Variants in CHRM3 observed in about 807,000 individuals in gnomAD.
The protein encoded by CHRM3 is cholinergic receptor muscarinic 3.
Under a neutral mutation model 41.8 loss-of-function variants are expected in CHRM3, and 11 were observed. The ratio of observed to expected loss-of-function variants is 0.26; its 90% CI spans 0.17 to 0.44. The LOEUF (loss-of-function observed/expected upper bound fraction) is 0.44, where lower values mean the gene tolerates loss of function less well. CHRM3 is among the 20% of genes least tolerant of loss of function. The pLI, the probability that CHRM3 is intolerant of heterozygous loss-of-function variation, is 1.00. For missense variants in CHRM3, 571 were observed against 745.4 expected (o/e 0.77, Z 2.72); for synonymous variants, 297 against 301.4 (o/e 0.99, Z 0.15).
intron 3 of CHRM3, among the ~76,000 whole-genome samples, chr1:239,607,768 T>G (rs1666513433): frequency 6.6e-6 from 1 of 152,216 alleles, no homozygotes; most frequent in Non-Finnish European, 1.5e-5. Flanking sequence ...AAATCTAACA[T>G]GCCTTAGATT....
chr1:239,589,007 C>T (rs1485439084), intron 3 of CHRM3, among the ~76,000 whole-genome samples: 2 of 151,966 alleles, frequency 1.3e-5, no homozygotes, highest in South Asian at 2.1e-4. Context: ...AATCCTGGCT[C>T]ACTGCGACTT....
intron 5 of CHRM3, among the ~76,000 whole-genome samples, chr1:239,807,595 A>C (rs986928047): frequency 1.3e-5 from 2 of 152,318 alleles, no homozygotes; most frequent in Admixed American, 1.3e-4. Context: ...AGGCCAGATA[A>C]ATAGTTTTTC....
intron 5 of CHRM3, among the ~76,000 whole-genome samples, chr1:239,779,895 C>T (rs1404577161): frequency 6.6e-6 from 1 of 152,172 alleles, no homozygotes; most frequent in African/African-American, 2.4e-5. Flanking sequence ...AGTATGTAGC[C>T]TTTTCACATT....
intron 2 of CHRM3, among the ~76,000 whole-genome samples, chr1:239,502,342 A>G (rs1213512394): frequency 6.6e-6 from 1 of 152,192 alleles, no homozygotes; most frequent in Non-Finnish European, 1.5e-5. Context: ...GAGGAGATGG[A>G]TAAATTCCTG....
intron 5 of CHRM3, among the ~76,000 whole-genome samples, chr1:239,730,033 T>A (rs1280001203): frequency 6.6e-6 from 1 of 151,980 alleles, no homozygotes; most frequent in Non-Finnish European, 1.5e-5. Context: ...AATCTAGCCA[T>A]CTTTTATTAA....
chr1:239,892,983 G>C lies in CHRM3; in HGVS notation c.-19-14450G>C, dbSNP rs560669742. On this transcript the variant is annotated intron_variant, in intron 6 of 6. Coordinates refer to ENST00000676153, the MANE Select transcript of CHRM3 (RefSeq NM_001375978.1). ...AGCACATAATACACATTGGAGGGTTGGGTGTAAAATCTTGGATCAGACGGC... is the reference window on the plus strand; with the variant it reads ...AGCACATAATACACATTGGAGGGTTCGGTGTAAAATCTTGGATCAGACGGC... Among the ~76,000 whole-genome samples the C allele has an allele frequency of 1.1e-4, 16 of 152,304 alleles. No homozygotes were observed. In the South Asian group the frequency reaches 3.1e-3, roughly 30 times the overall value.
chr1:239,554,670 A>G (rs1660185523), intron 3 of CHRM3, among the ~76,000 whole-genome samples: 1 of 152,116 alleles, frequency 6.6e-6, no homozygotes, highest in Non-Finnish European at 1.5e-5. Context: ...ATCATTACTA[A>G]AAATTAAGTT....
At chr1:239,693,157 T>A (rs16838720) in intron 5 of CHRM3, among the ~76,000 whole-genome samples, 7,007 of 152,230 alleles carry the variant, frequency 0.046, 278 homozygotes, top group African/African-American at 0.098. Context: ...TACAAAATCA[T>A]GGCTACACAG....
At chr1:239,786,939 C>T (rs1668951819) in intron 5 of CHRM3, among the ~76,000 whole-genome samples, 1 of 152,102 alleles carries the variant, frequency 6.6e-6, no homozygotes, top group Non-Finnish European at 1.5e-5. Flanking sequence ...ATTGTGCAAG[C>T]AAACTCAATG....
At chr1:239,475,903 A>T (rs564789485) in intron 1 of CHRM3, among the ~76,000 whole-genome samples, 1 of 152,216 alleles carries the variant, frequency 6.6e-6, no homozygotes, top group South Asian at 2.1e-4. Context: ...GATGGTGTGG[A>T]TTTGTAATTC....
At chr1:239,831,241 T>C (rs950035072) in intron 6 of CHRM3, among the ~76,000 whole-genome samples, 2 of 152,108 alleles carry the variant, frequency 1.3e-5, no homozygotes, top group African/African-American at 4.8e-5. Context: ...ATGGAAGATA[T>C]TGAACAAGAT....
intron 5 of CHRM3, among the ~76,000 whole-genome samples, chr1:239,788,733 T>A (rs1285397966): frequency 4.6e-5 from 7 of 152,038 alleles, no homozygotes; most frequent in African/African-American, 7.2e-5. Context: ...ACCACTGCAC[T>A]CCAGCCTGGG....
At chr1:239,462,775 T>C (rs944074190) in intron 1 of CHRM3, among the ~76,000 whole-genome samples, 2 of 152,258 alleles carry the variant, frequency 1.3e-5, no homozygotes, top group Admixed American at 1.3e-4. Context: ...CAACTGTTTC[T>C]GCAGCTTTTT....
intron 4 of CHRM3, among the ~76,000 whole-genome samples, chr1:239,641,171 T>A (rs893503642): frequency 2.5e-4 from 38 of 152,188 alleles, no homozygotes; most frequent in African/African-American, 7.0e-4. Context: ...TGCTGAGGAG[T>A]GCTTTACTTC....
chr1:239,513,300 T>C (rs1017889153), intron 2 of CHRM3, among the ~76,000 whole-genome samples: 14 of 152,182 alleles, frequency 9.2e-5, no homozygotes, highest in African/African-American at 2.9e-4. Context: ...CAAAATAATA[T>C]CTTTTGTCAG....
chr1:239,602,110 G>GTATATA (rs1186014237), intron 3 of CHRM3, among the ~76,000 whole-genome samples: 11 of 112,844 alleles, frequency 9.7e-5, no homozygotes, highest in South Asian at 5.7e-4. Context: ...GTGTGTGTGT[G>GTATATA]TATATATATA....
chr1:239,405,230 C>T (rs1355940957), intron 1 of CHRM3, among the ~76,000 whole-genome samples: 1 of 152,052 alleles, frequency 6.6e-6, no homozygotes, highest in Admixed American at 6.6e-5. Context: ...TTAGAAATTC[C>T]TGTGGTAGCA....
intron 3 of CHRM3, among the ~76,000 whole-genome samples, chr1:239,563,106 T>G (rs1368504481): frequency 6.6e-6 from 1 of 152,126 alleles, no homozygotes; most frequent in Non-Finnish European, 1.5e-5. Context: ...GGATTTATAT[T>G]ATCCTCTAGA....
At chr1:239,568,718 C>G (rs919021578) in intron 3 of CHRM3, among the ~76,000 whole-genome samples, 1 of 152,016 alleles carries the variant, frequency 6.6e-6, no homozygotes, top group African/African-American at 2.4e-5. Context: ...TCAGCCTCCC[C>G]TCTTCTTCCA....
Sources: allele counts gnomAD v4.1 joint callset (sites outside exome capture counted in the v4.1 genomes callset), GRCh38; gene constraint gnomAD v4.1.1; transcripts MANE v1.5; gene names NCBI Gene and HGNC (gene_info 2026-07-23, HGNC 2026-07-21).